Variants in CDH18 observed in about 807,000 individuals in gnomAD.
CDH18 encodes cadherin-18.
A neutral mutation model predicts 67.9 loss-of-function variants in CDH18; 31 were observed. That is an observed-to-expected ratio of 0.46 (90% CI 0.34 to 0.62). The LOEUF is 0.62. Ranked by LOEUF, CDH18 falls within the 20% of genes least tolerant of loss-of-function variation. The pLI is 0.01. For missense variants in CDH18, 890 were observed against 975.5 expected, an observed-to-expected ratio of 0.91 and a Z score of 1.17; for synonymous variants, 362 against 347.2, an observed-to-expected ratio of 1.04 and a Z score of -0.48.
intron 2 of CDH18, among the ~76,000 whole-genome samples, chr5:20,026,225 C>T (rs577516613): frequency 2.0e-5 from 3 of 152,148 alleles, no homozygotes; most frequent in South Asian, 2.1e-4. Context: ...TATGAGAATC[C>T]GTAAGGGGAT....
At chr5:19,832,437 G>A (rs1781154071) in intron 3 of CDH18, among the ~76,000 whole-genome samples, 2 of 152,080 alleles carry the variant, frequency 1.3e-5, no homozygotes, top group Admixed American at 1.3e-4. Context: ...TAGGTCTGTT[G>A]ACAAAATGTT....
At chr5:20,055,083 T>C (rs1234938841) in intron 2 of CDH18, among the ~76,000 whole-genome samples, 1 of 152,218 alleles carries the variant, frequency 6.6e-6, no homozygotes, top group East Asian at 1.9e-4. Flanking sequence ...TCATTTTTTT[T>C]TCCTTATTCT....
At chr5:20,268,661 G>A (rs1745221035) in intron 1 of CDH18, among the ~76,000 whole-genome samples, 2 of 152,058 alleles carry the variant, frequency 1.3e-5, no homozygotes, top group African/African-American at 4.8e-5. Context: ...GAAGGATGAG[G>A]CTTCAGTGAG....
Position 19,741,262 on chromosome 5 carries a change from CATAT to C in CDH18, c.523+5676_523+5679del, listed in dbSNP as rs1402546209. 2.4e-4 allele frequency among the ~76,000 whole-genome samples: 26 copies of C among 107,992 alleles called. No homozygotes were observed. In the East Asian group the frequency reaches 2.5e-3, roughly 10 times the overall value. The allele number at this position is 107,992 out of a possible 152,430, so 70.8% of individuals were successfully genotyped here. On this transcript the variant is annotated intron_variant, in intron 4 of 12. Transcript: ENST00000382275. The stretch of plus-strand genomic sequence containing the variant: ...ACATATATGTATGTATATATGTATA[CATAT>C]ATACATATATACGTGTATATATACA...
chr5:19,993,526 C>T (rs1257440689), intron 2 of CDH18, among the ~76,000 whole-genome samples: 1 of 152,142 alleles, frequency 6.6e-6, no homozygotes, highest in South Asian at 2.1e-4. Flanking sequence ...ATTCAGTTGA[C>T]AAAGCTGATA....
chr5:19,746,790 C>A, intron 4 of CDH18, 152 bp downstream of exon 4: 3 of 656,092 alleles, frequency 4.6e-6, no homozygotes, highest in Non-Finnish European at 7.7e-6. Flanking sequence ...GTCTTTAACA[C>A]TTTATGCCAC....
At chr5:19,926,665 C>T (rs1201643605) in intron 2 of CDH18, among the ~76,000 whole-genome samples, 1 of 151,936 alleles carries the variant, frequency 6.6e-6, no homozygotes, top group Admixed American at 6.6e-5. Context: ...AGTATGATTT[C>T]ATTGTTTTGA....
intron 2 of CDH18, among the ~76,000 whole-genome samples, chr5:19,968,048 C>T (rs1797638105): frequency 6.6e-6 from 1 of 150,416 alleles, no homozygotes; most frequent in Non-Finnish European, 1.5e-5. Context: ...ACACCAATAA[C>T]AGACAAACAG....
At chr5:20,300,330 GTGTA>G (rs1437751429) in intron 1 of CDH18, among the ~76,000 whole-genome samples, 2 of 138,536 alleles carry the variant, frequency 1.4e-5, no homozygotes, top group Non-Finnish European at 3.3e-5. Flanking sequence ...GTGTGTGTGT[GTGTA>G]TTTTCCTGTG....
At position 20,418,242 on chromosome 5, in the gene CDH18, ATTT is replaced by A. The variant is rs58308147; in HGVS notation, c.-580+157217_-580+157219del. Among the ~76,000 whole-genome samples the A allele has an allele frequency of 4.0e-3, 228 of 56,920 alleles. 3 individuals carry two copies. The highest frequency in any genetic ancestry group is 0.014 in the Middle Eastern group (1 of 72). The allele number at this position is 56,920 out of a possible 152,430, so 37.3% of individuals were successfully genotyped here. ...AGGTGTCTGCCACCACTGCTGGCTA[ATTT>A]TTTTTTTTTTTTTTTTTTTTTGTAT... On this transcript the variant is annotated intron_variant, in intron 1 of 14. Coordinates refer to the CDH18 transcript ENST00000507958.
At chr5:20,233,059 T>G (rs1742195665) in intron 2 of CDH18, among the ~76,000 whole-genome samples, 1 of 151,802 alleles carries the variant, frequency 6.6e-6, no homozygotes, top group Admixed American at 6.6e-5. Context: ...ATATACAGCT[T>G]TCTTCTAAGA....
At chr5:19,868,377 C>A (rs1785837983) in intron 2 of CDH18, among the ~76,000 whole-genome samples, 1 of 152,114 alleles carries the variant, frequency 6.6e-6, no homozygotes, top group African/African-American at 2.4e-5. Flanking sequence ...AATAACCTTA[C>A]ACTCAGAAAA....
chr5:19,523,627 C>T (rs385745), intron 9 of CDH18, among the ~76,000 whole-genome samples: 76,582 of 151,516 alleles, frequency 0.51, 19,580 homozygotes, highest in South Asian at 0.58. Context: ...TAAGTTATCA[C>T]TTAACATAAG....
At chr5:20,564,164 C>T (rs985031064) in intron 1 of CDH18, among the ~76,000 whole-genome samples, 3 of 151,986 alleles carry the variant, frequency 2.0e-5, no homozygotes, top group Admixed American at 1.3e-4. Context: ...TCATAACGAC[C>T]TTACATTTCA....
At chr5:20,501,592 T>A (rs1482016495) in intron 1 of CDH18, among the ~76,000 whole-genome samples, 1 of 21,244 alleles carries the variant, frequency 4.7e-5, no homozygotes, top group Non-Finnish European at 9.7e-5. Context: ...TATATATATA[T>A]ATTATATATA....
chr5:19,850,774 T>TAC (rs1783587434), intron 2 of CDH18, among the ~76,000 whole-genome samples: 1 of 151,876 alleles, frequency 6.6e-6, no homozygotes, highest in Admixed American at 6.6e-5. Context: ...TAGAATGATA[T>TAC]ACATAAACTA....
At chr5:20,569,134 T>A (rs1041186694) in intron 1 of CDH18, among the ~76,000 whole-genome samples, 18 of 152,192 alleles carry the variant, frequency 1.2e-4, no homozygotes, top group African/African-American at 3.6e-4. Flanking sequence ...TTCAGTGGGA[T>A]GGCTACGAGT....
intron 11 of CDH18, among the ~76,000 whole-genome samples, chr5:19,500,409 A>T (rs1340626765): frequency 6.6e-6 from 1 of 152,158 alleles, no homozygotes; most frequent in Non-Finnish European, 1.5e-5. Context: ...CAGTGATTGT[A>T]ATCATGGAAA....
rs1737900904 is a variant in CDH18 at position 19,473,480 on chromosome 5, G to A, written c.2119C>T (p.Leu707=). The A allele has an allele frequency of 6.2e-7, 1 of 1,613,694 alleles. No homozygotes were observed. Among genetic ancestry groups the A allele is most frequent in the African/African-American group, 1.3e-5 (1 of 74,884 alleles). Residue 707 remains leucine (L), a synonymous_variant, in exon 13 of 13, where the codon CTG becomes TTG. Coordinates refer to ENST00000382275, the MANE Select transcript of CDH18 (RefSeq NM_004934.5). ...LTPRHQTSST[L]ESIDVQEFIK... ...AATTCCTGAACATCTATGCTTTCCA[G>A]GGTGGATGATGTCTGGTGTCTGGGA...
Sources: gnomAD v4.1 joint callset for allele counts (sites outside exome capture counted in the v4.1 genomes callset) on GRCh38, gnomAD v4.1.1 for gene constraint, MANE v1.5 for transcripts, NCBI Gene and HGNC (gene_info 2026-07-23, HGNC 2026-07-21) for gene names.